DOCK8: variants seen among roughly 807,000 people sequenced by gnomAD.
DOCK8 encodes the protein dedicator of cytokinesis 8, also known as dedicator of cytokinesis protein 8.
Under a neutral mutation model 245.6 loss-of-function variants are expected in DOCK8, and 141 were observed. That is an observed-to-expected ratio of 0.57 (90% CI 0.50 to 0.66). The LOEUF is 0.66. Ranked by LOEUF, DOCK8 falls within the 30% of genes least tolerant of loss-of-function variation. The pLI is 0.00. For synonymous variants in DOCK8, 1,168 were observed against 970.2 expected, an observed-to-expected ratio of 1.20 and a Z score of -3.79; for missense variants, 2,965 against 2,603.4, an observed-to-expected ratio of 1.14 and a Z score of -3.02.
At chr9:305,948 G>A (rs766437048) in intron 5 of DOCK8, among the ~76,000 whole-genome samples, 1 of 152,162 alleles carries the variant, frequency 6.6e-6, no homozygotes, top group African/African-American at 2.4e-5. Context: ...GGAGTAGGAA[G>A]TTATTGTTTA....
At chr9:274,622 A>G (rs1466301618) in intron 2 of DOCK8, among the ~76,000 whole-genome samples, 1 of 151,886 alleles carries the variant, frequency 6.6e-6, no homozygotes, top group Non-Finnish European at 1.5e-5. Flanking sequence ...AAGGTTCCCC[A>G]AAAGAAATCA....
chr9:373,385 T>C (rs538322330), intron 18 of DOCK8, among the ~76,000 whole-genome samples: 68 of 152,222 alleles, frequency 4.5e-4, no homozygotes, highest in Non-Finnish European at 7.8e-4. Flanking sequence ...TGTCATACTT[T>C]AAAATTTTAA....
At chr9:300,278 T>C (rs1460468942) in intron 4 of DOCK8, among the ~76,000 whole-genome samples, 1 of 152,210 alleles carries the variant, frequency 6.6e-6, no homozygotes, top group African/African-American at 2.4e-5. Flanking sequence ...ATAAACTTTG[T>C]ATTTGTATAA....
intron 20 of DOCK8, among the ~76,000 whole-genome samples, chr9:378,477 C>G (rs1486618384): frequency 6.6e-6 from 1 of 152,194 alleles, no homozygotes; most frequent in African/African-American, 2.4e-5. Context: ...TGCTTTGCAC[C>G]CTGATATGCA....
chr9:290,827 A>G (rs2049007677), intron 4 of DOCK8, among the ~76,000 whole-genome samples: 1 of 152,200 alleles, frequency 6.6e-6, no homozygotes, highest in African/African-American at 2.4e-5. Flanking sequence ...GTAAATGATG[A>G]AAGACTTTGA....
chr9:325,064 A>G (rs1346980519), intron 7 of DOCK8, among the ~76,000 whole-genome samples: 3 of 152,110 alleles, frequency 2.0e-5, no homozygotes, highest in Non-Finnish European at 1.5e-5. Flanking sequence ...AACATACAGC[A>G]TTTGGTTTCC....
At chr9:443,076 ACT>A (rs1205707301) in intron 42 of DOCK8, among the ~76,000 whole-genome samples, 1 of 152,176 alleles carries the variant, frequency 6.6e-6, no homozygotes, top group African/African-American at 2.4e-5. Flanking sequence ...CTTCTTGTGC[ACT>A]GTGATTTGCC....
Position 333,368 on chromosome 9 carries a change from A to G in DOCK8, c.1126-857A>G, listed in dbSNP as rs112166647. On this transcript the variant is annotated intron_variant, in intron 10 of 47. Coordinates refer to ENST00000432829, the MANE Select transcript of DOCK8 (RefSeq NM_203447.4). ...TGTAATCCCAGCACTTTGGGAGGCC[A>G]AGGCGGGCAGATCATGAGGTCAGAA... Among the ~76,000 whole-genome samples the G allele has an allele frequency of 7.8e-3, 1,187 of 152,298 alleles. 14 individuals carry two copies. Among genetic ancestry groups the G allele is most frequent in the African/African-American group, 0.018 (730 of 41,554 alleles).
intron 36 of DOCK8, 80 bp from the exon 37 acceptor site, chr9:432,086 T>C: frequency 6.8e-7 from 1 of 1,476,830 alleles, no homozygotes; most frequent in Non-Finnish European, 9.4e-7. Context: ...GTTGTTTGTG[T>C]CTGGCCATGC....
chr9:400,175 T>TCAC (rs1332921633), intron 26 of DOCK8, among the ~76,000 whole-genome samples: 1 of 39,232 alleles, frequency 2.5e-5, no homozygotes, highest in Non-Finnish European at 5.3e-5. Flanking sequence ...ACCTCCACCA[T>TCAC]CACCACCTCC....
At position 327,135 on chromosome 9, in the gene DOCK8, T is replaced by A. The variant is rs577898064; in HGVS notation, c.895-887T>A. 5.3e-5 allele frequency among the ~76,000 whole-genome samples: 8 copies of A among 152,224 alleles called. No homozygotes were observed. The East Asian group carries it at 1.4e-3, about 26-fold the overall frequency. ...GTCAAGCTAGACCGCTGACTAAGCT[T>A]CCCCCAGCCGTTCAAGCCTCTGAGA... On this transcript the variant is annotated intron_variant, in intron 8 of 47. Transcript: ENST00000432829.
At chr9:345,909 G>A (rs551833520) in intron 14 of DOCK8, among the ~76,000 whole-genome samples, 2 of 152,014 alleles carry the variant, frequency 1.3e-5, no homozygotes, top group African/African-American at 2.4e-5. Flanking sequence ...CCGTGGGTCC[G>A]TGAGGGTTGG....
chr9:327,493 A>C (rs2050817057), intron 8 of DOCK8, among the ~76,000 whole-genome samples: 1 of 150,494 alleles, frequency 6.6e-6, no homozygotes, highest in South Asian at 2.1e-4. Flanking sequence ...TCCCGGGTTC[A>C]AGTGATCCAT....
intron 6 of DOCK8, among the ~76,000 whole-genome samples, chr9:314,120 A>G (rs147761772): frequency 8.7e-4 from 133 of 152,394 alleles, no homozygotes; most frequent in Non-Finnish European, 1.6e-3. Flanking sequence ...GTATCTACAT[A>G]CATATGACTA....
At chr9:310,486 C>G (rs2050049240) in intron 5 of DOCK8, among the ~76,000 whole-genome samples, 1 of 152,166 alleles carries the variant, frequency 6.6e-6, no homozygotes, top group South Asian at 2.1e-4. Flanking sequence ...GAGACGGAGT[C>G]TCGCTCTTGT....
intron 1 of DOCK8, among the ~76,000 whole-genome samples, chr9:228,042 A>C (rs2047027345): frequency 6.6e-6 from 1 of 152,092 alleles, no homozygotes; most frequent in African/African-American, 2.4e-5. Flanking sequence ...TGGGGAAGGA[A>C]GTCAGGTTTC....
In DOCK8 at chr9:372,586, A is replaced by G. The variant is rs151043262; in HGVS notation, c.2109+300A>G. Among the ~76,000 whole-genome samples the G allele has an allele frequency of 2.0e-5, 3 of 152,370 alleles. No individual in the cohort carries two copies. In the East Asian group the frequency reaches 5.8e-4, roughly 29 times the overall value. ...GAGGAGGCAAACTAAGGCCATTCATAGTAAACAACTGTTCCCATCAAGGAT... is the reference window on the plus strand; with the variant it reads ...GAGGAGGCAAACTAAGGCCATTCATGGTAAACAACTGTTCCCATCAAGGAT... On this transcript the variant is annotated intron_variant, in intron 18 of 47. Transcript: ENST00000432829.
intron 34 of DOCK8, 72 bp downstream of exon 34, chr9:427,053 C>T (rs1433723440): frequency 6.8e-6 from 9 of 1,316,588 alleles, no homozygotes; most frequent in Admixed American, 3.6e-5. Context: ...CTTCTTTATG[C>T]AAAATTGTGA....
intron 39 of DOCK8, among the ~76,000 whole-genome samples, chr9:438,333 T>TAA (rs1161967715): frequency 6.6e-6 from 1 of 152,228 alleles, no homozygotes. Context: ...GTTGATTAGT[T>TAA]ATGCCTGCCA....
Sources: allele counts gnomAD v4.1 joint callset (sites outside exome capture counted in the v4.1 genomes callset), GRCh38; gene constraint gnomAD v4.1.1; transcripts MANE v1.5; gene names NCBI Gene and HGNC (gene_info 2026-07-23, HGNC 2026-07-21).